Variants in OTOP1 observed in about 807,000 individuals in gnomAD.
The protein encoded by OTOP1 is otopetrin 1, also known as proton channel OTOP1.
In OTOP1, 59 loss-of-function variants were observed where a neutral mutation model predicts 52.9. That is an observed-to-expected ratio of 1.12 (90% CI 0.91 to 1.39). OTOP1 has a LOEUF of 1.39. Ranked by LOEUF, OTOP1 falls within the 40% of genes most tolerant of loss-of-function variation. OTOP1 has a pLI of 0.00. For synonymous variants in OTOP1, 317 were observed against 337.7 expected (o/e 0.94, Z 0.67); for missense variants, 761 against 800.9 (o/e 0.95, Z 0.60).
intron 1 of OTOP1, among the ~76,000 whole-genome samples, chr4:4,224,521 G>A (rs946263302): frequency 1.3e-5 from 2 of 152,070 alleles, no homozygotes; most frequent in Non-Finnish European, 1.5e-5. Flanking sequence ...ACAGGTAAAG[G>A]CTCATGTGTA....
chr4:4,193,615 G>A (rs997962691), intron 5 of OTOP1, among the ~76,000 whole-genome samples: 2 of 152,282 alleles, frequency 1.3e-5, no homozygotes, highest in Non-Finnish European at 1.5e-5. Flanking sequence ...ACCCTGCAAT[G>A]ATTTCCATCC....
chr4:4,226,910 C>T lies in OTOP1; in HGVS notation c.-46G>A, dbSNP rs1273523924. ...GTCTGGTCCCGGGGGTGGCTGCCGT[C>T]GGGCCCCGCCTGCGCTCCTGGCTCC... On this transcript the variant is annotated 5_prime_UTR_variant, in exon 1 of 6. Transcript: ENST00000296358. 1.5e-6 allele frequency: 2 copies of T among 1,291,580 alleles called. No individual in the cohort carries two copies. Among genetic ancestry groups the T allele is most frequent in the East Asian group, 3.2e-5 (1 of 31,742 alleles). The allele number at this position is 1,291,580 out of a possible 1,614,324, so 80.0% of individuals were successfully genotyped here. A position where few individuals can be genotyped will look rare whatever the true frequency, so the allele number is the denominator to read the frequency against.
At chr4:4,205,969 G>C (rs1360929365) in intron 3 of OTOP1, 103 bp downstream of exon 3, 1 of 980,582 alleles carries the variant, frequency 1.0e-6, no homozygotes, top group African/African-American at 1.6e-5. Flanking sequence ...TGAGGGGAGA[G>C]TTGGTCTGTT....
intron 3 of OTOP1, among the ~76,000 whole-genome samples, chr4:4,205,732 C>T (rs1409038185): frequency 6.6e-6 from 1 of 152,204 alleles, no homozygotes; most frequent in Non-Finnish European, 1.5e-5. Context: ...CAGGACAGCA[C>T]CTCAACTGAG....
chr4:4,197,273 A>T lies in OTOP1; in HGVS notation c.1561T>A (p.Trp521Arg), dbSNP rs199964022. 1 of 1,614,136 alleles carries T rather than the reference A, an allele frequency of 6.2e-7. No individual in the cohort carries two copies. Among genetic ancestry groups the T allele is most frequent in the Non-Finnish European group, 8.5e-7 (1 of 1,180,016 alleles). The change falls in exon 5 of 6, where the codon TGG becomes AGG. Residue 521 changes from tryptophan to arginine, a missense_variant. By Grantham distance (101) the Trp-to-Arg change is moderately radical. Coordinates refer to ENST00000296358, the MANE Select transcript of OTOP1 (RefSeq NM_177998.3). ...CGGACTGGGCTTGGGCTCCCTCCCC[A>T]GCTGCTCTCCTCCTGCTTCTCCTCC... ...KEEEKQEESS[W>R]GGSPSPVRLP...
chr4:4,210,394 A>G (rs895642054), intron 2 of OTOP1, among the ~76,000 whole-genome samples: 2 of 152,164 alleles, frequency 1.3e-5, no homozygotes, highest in African/African-American at 4.8e-5. Flanking sequence ...TTCTCTTCTC[A>G]GCGTCCTGAG....
In OTOP1 at chr4:4,210,045, T is replaced by TC. The variant is rs568574315; in HGVS notation, c.540+2822dup. On this transcript the variant is annotated intron_variant, in intron 2 of 5. Transcript: ENST00000296358. ...GTGCTGCCTCATTGCTCTGGGACAC[T>TC]CTGGTCAAAGCACTGAGCCCAGCGT... Among the ~76,000 whole-genome samples the TC allele has an allele frequency of 9.1e-4, 139 of 152,274 alleles. 1 individual carries two copies. Among genetic ancestry groups the TC allele is most frequent in the Admixed American group, 1.8e-3 (27 of 15,296 alleles).
chr4:4,208,895 G>A (rs1451821243), intron 2 of OTOP1, among the ~76,000 whole-genome samples: 6 of 152,128 alleles, frequency 3.9e-5, no homozygotes, highest in African/African-American at 7.2e-5. Context: ...CAGCGCATTC[G>A]GTGAGGGAAG....
intron 5 of OTOP1, among the ~76,000 whole-genome samples, chr4:4,194,102 T>A (rs771239464): frequency 2.0e-4 from 31 of 152,236 alleles, no homozygotes; most frequent in Non-Finnish European, 4.4e-4. Flanking sequence ...GGCAGGAGAA[T>A]CACTTGAACC....
At chr4:4,216,403 C>G (rs574618112) in intron 1 of OTOP1, among the ~76,000 whole-genome samples, 2 of 152,278 alleles carry the variant, frequency 1.3e-5, no homozygotes, top group African/African-American at 2.4e-5. Context: ...CATTGACCGC[C>G]ATTTATACAT....
intron 1 of OTOP1, among the ~76,000 whole-genome samples, chr4:4,213,608 G>C (rs533896559): frequency 2.6e-5 from 4 of 152,062 alleles, no homozygotes; most frequent in Admixed American, 1.3e-4. Context: ...GCATAATGTC[G>C]TCATGGCTCA....
intron 5 of OTOP1, among the ~76,000 whole-genome samples, chr4:4,195,703 A>G (rs973304792): frequency 1.3e-5 from 2 of 152,198 alleles, no homozygotes; most frequent in African/African-American, 4.8e-5. Context: ...GACTGAAGAC[A>G]CTGCGAATCA....
intron 5 of OTOP1, among the ~76,000 whole-genome samples, chr4:4,195,469 G>C (rs1366441958): frequency 2.6e-5 from 4 of 152,176 alleles, no homozygotes; most frequent in Non-Finnish European, 5.9e-5. Flanking sequence ...GCCCATGTGA[G>C]AGACACTGCC....
At position 4,197,319 on chromosome 4, in the gene OTOP1, C is replaced by T. The variant is rs753391953; in HGVS notation, c.1515G>A (p.Met505Ile). The T allele has an allele frequency of 3.7e-6, 6 of 1,614,156 alleles. No individual in the cohort carries two copies. In the South Asian group the frequency reaches 5.5e-5, roughly 15 times the overall value. ...MPPAANGNVC[M>I]RESHDKEEEK... is the part of the protein sequence containing the mutation. Reference sequence around the variant, plus strand: ...CCTCCTCCTTGTCATGGCTTTCTCTCATGCACACATTTCCATTGGCTGCTG... The same window carrying T: ...CCTCCTCCTTGTCATGGCTTTCTCTTATGCACACATTTCCATTGGCTGCTG... The change falls in exon 5 of 6, where the codon ATG (methionine) becomes ATA (isoleucine). Residue 505 changes from methionine (M) to isoleucine (I), a missense_variant. Around this residue, in one of 3 missense-constraint regions of OTOP1, gnomAD observed 632 missense variants for 619.5 expected, o/e 1.02. Transcript: ENST00000296358.
rs1560211412 is a variant in OTOP1, at chr4:4,219,964, TAC to T, written c.403+6496_403+6497del. 4.8e-4 allele frequency among the ~76,000 whole-genome samples: 70 copies of T among 145,686 alleles called. 1 individual carries two copies. Among genetic ancestry groups the T allele is most frequent in the African/African-American group, 1.7e-3 (68 of 39,892 alleles). On this transcript the variant is annotated intron_variant, in intron 1 of 5. Coordinates refer to ENST00000296358, the MANE Select transcript of OTOP1 (RefSeq NM_177998.3). ...ATACACATATATACGTATACATGTA[TAC>T]ATATATACACATATATACGTATATA...
intron 4 of OTOP1, among the ~76,000 whole-genome samples, chr4:4,200,810 G>A (rs73077838): frequency 0.039 from 5,823 of 148,720 alleles, 354 homozygotes; most frequent in African/African-American, 0.13. Flanking sequence ...CTCCAGCCTC[G>A]GGATTACAAA....
intron 4 of OTOP1, among the ~76,000 whole-genome samples, chr4:4,198,403 TAC>T (rs539266855): frequency 6.6e-6 from 1 of 151,642 alleles, no homozygotes; most frequent in African/African-American, 2.4e-5. Context: ...GATAGATGGA[TAC>T]ACACACACAC....
chr4:4,193,554 C>T (rs1239948682), intron 5 of OTOP1, among the ~76,000 whole-genome samples: 1 of 151,826 alleles, frequency 6.6e-6, no homozygotes, highest in Non-Finnish European at 1.5e-5. Context: ...GGGTCAACCA[C>T]AAGGTTTCAA....
chr4:4,224,935 C>T (rs1477870142), intron 1 of OTOP1, among the ~76,000 whole-genome samples: 1 of 152,164 alleles, frequency 6.6e-6, no homozygotes, highest in Non-Finnish European at 1.5e-5. Context: ...GGAAAGGAGG[C>T]CTAGTGTGTG....
Sources: allele counts gnomAD v4.1 joint callset (sites outside exome capture counted in the v4.1 genomes callset), GRCh38; gene constraint gnomAD v4.1.1; regional missense constraint gnomAD v4.1.1; transcripts MANE v1.5; gene names NCBI Gene and HGNC (gene_info 2026-07-23, HGNC 2026-07-21).